Variants in DCLK1 observed in about 807,000 individuals in gnomAD.
The protein encoded by DCLK1 is doublecortin like kinase 1, also known as serine/threonine-protein kinase DCLK1.
Under a neutral mutation model 86.2 loss-of-function variants are expected in DCLK1, and 16 were observed. The observed-to-expected ratio is 0.19, with a 90% CI of 0.13 to 0.28. The LOEUF (loss-of-function observed/expected upper bound fraction) is 0.28, where lower values mean the gene tolerates loss of function less well. DCLK1 is among the 10% of genes least tolerant of loss of function. The pLI is 1.00. For synonymous variants in DCLK1, 369 were observed against 370.5 expected (o/e 1.00, Z 0.05); for missense variants, 590 against 940.2 (o/e 0.63, Z 4.87).
intron 4 of DCLK1, among the ~76,000 whole-genome samples, chr13:35,914,970 G>A (rs1875323884): frequency 6.6e-6 from 1 of 152,134 alleles, no homozygotes; most frequent in South Asian, 2.1e-4. Flanking sequence ...TTTAGGAATT[G>A]TTTTATGAGG....
intron 8 of DCLK1, among the ~76,000 whole-genome samples, chr13:35,835,317 C>G (rs541839440): frequency 1.3e-5 from 2 of 152,318 alleles, no homozygotes; most frequent in South Asian, 4.1e-4. Context: ...TTGCAGTATT[C>G]TGCCCACCAG....
chr13:35,796,229 G>A (rs748937326), intron 15 of DCLK1, among the ~76,000 whole-genome samples: 7 of 152,036 alleles, frequency 4.6e-5, no homozygotes, highest in Non-Finnish European at 1.0e-4. Flanking sequence ...GGCTACCTCG[G>A]GCAAAATGAT....
At chr13:36,078,616 C>T (rs541793684) in intron 3 of DCLK1, among the ~76,000 whole-genome samples, 125 of 152,230 alleles carry the variant, frequency 8.2e-4, no homozygotes, top group Non-Finnish European at 1.4e-3. Context: ...GAGCTATCTC[C>T]AAATGAAGAT....
intron 10 of DCLK1, among the ~76,000 whole-genome samples, chr13:35,826,909 G>T (rs1868519267): frequency 6.6e-6 from 1 of 152,112 alleles, no homozygotes; most frequent in African/African-American, 2.4e-5. Flanking sequence ...TACACGTTCA[G>T]TTTGATGAAT....
chr13:36,031,573 G>A (rs1365348668), intron 3 of DCLK1, among the ~76,000 whole-genome samples: 4 of 152,084 alleles, frequency 2.6e-5, no homozygotes, highest in South Asian at 4.2e-4. Context: ...CTGGTAATAC[G>A]TTTGACAATA....
At chr13:35,913,763 T>C (rs1875189718) in intron 4 of DCLK1, among the ~76,000 whole-genome samples, 1 of 152,092 alleles carries the variant, frequency 6.6e-6, no homozygotes, top group Non-Finnish European at 1.5e-5. Context: ...GTTTCAGAAA[T>C]GTTGAAAAGA....
chr13:35,981,279 A>G (rs937087932), intron 3 of DCLK1, among the ~76,000 whole-genome samples: 1 of 151,958 alleles, frequency 6.6e-6, no homozygotes, highest in African/African-American at 2.4e-5. Flanking sequence ...CTCAAAGTTC[A>G]TTCATTTTGT....
intron 3 of DCLK1, among the ~76,000 whole-genome samples, chr13:35,974,064 A>G (rs995717212): frequency 2.6e-5 from 4 of 152,226 alleles, no homozygotes; most frequent in Non-Finnish European, 5.9e-5. Context: ...ATAGACATAT[A>G]AAAATAGAAA....
At chr13:36,045,943 T>C (rs1182164376) in intron 3 of DCLK1, among the ~76,000 whole-genome samples, 1 of 152,184 alleles carries the variant, frequency 6.6e-6, no homozygotes, top group South Asian at 2.1e-4. Flanking sequence ...ACACTTTAAC[T>C]TTCTTAGTAC....
At chr13:36,079,168 T>C (rs906521168) in intron 3 of DCLK1, among the ~76,000 whole-genome samples, 2 of 152,136 alleles carry the variant, frequency 1.3e-5, no homozygotes, top group South Asian at 2.1e-4. Context: ...CAGTAGATCA[T>C]AGAAAGAGGA....
At chr13:36,066,387 G>T (rs1203417918) in intron 3 of DCLK1, among the ~76,000 whole-genome samples, 5 of 152,170 alleles carry the variant, frequency 3.3e-5, no homozygotes, top group Non-Finnish European at 7.4e-5. Flanking sequence ...GCTGTAAAAT[G>T]AGTCTAAATG....
chr13:35,948,378 T>G (rs1406963610), intron 3 of DCLK1, among the ~76,000 whole-genome samples: 1 of 152,184 alleles, frequency 6.6e-6, no homozygotes, highest in African/African-American at 2.4e-5. Context: ...ATAGATGTTG[T>G]AATAGCATTT....
intron 4 of DCLK1, among the ~76,000 whole-genome samples, chr13:35,897,120 G>A (rs1593711023): frequency 6.6e-6 from 1 of 152,318 alleles, no homozygotes; most frequent in Middle Eastern, 3.4e-3. Context: ...GAGGATTCTG[G>A]AGTGGCAGAT....
chr13:36,013,970 G>T lies in DCLK1; in HGVS notation c.724-66513C>A, dbSNP rs139836075. ...AGCCGGTCTGAAAAGCACAATATTCGCCAGGTGCGTCCGTCACCCCTTTCT... is the reference window on the plus strand; with the variant it reads ...AGCCGGTCTGAAAAGCACAATATTCTCCAGGTGCGTCCGTCACCCCTTTCT... On this transcript the variant is annotated intron_variant, in intron 3 of 16. Transcript: ENST00000360631. Among the ~76,000 whole-genome samples the T allele has an allele frequency of 2.6e-5, 4 of 151,896 alleles. No homozygotes were observed. In the East Asian group the frequency reaches 7.8e-4, roughly 29 times the overall value.
chr13:36,107,746 A>G (rs1047390367), intron 3 of DCLK1, among the ~76,000 whole-genome samples: 1 of 152,166 alleles, frequency 6.6e-6, no homozygotes, highest in Non-Finnish European at 1.5e-5. Flanking sequence ...AGCTCAAGAA[A>G]GCCAGATTTG....
chr13:35,909,512 G>A (rs893835035), intron 4 of DCLK1, among the ~76,000 whole-genome samples: 2 of 151,646 alleles, frequency 1.3e-5, no homozygotes, highest in Non-Finnish European at 2.9e-5. Context: ...TTTTGGGTGG[G>A]ATTTATGAGA....
chr13:35,947,863 C>G (rs189644368), intron 3 of DCLK1, among the ~76,000 whole-genome samples: 89 of 152,302 alleles, frequency 5.8e-4, no homozygotes, highest in Non-Finnish European at 1.1e-3. Flanking sequence ...CATATACACA[C>G]GATAATCACC....
chr13:36,108,265 T>C (rs149077123), intron 3 of DCLK1, among the ~76,000 whole-genome samples: 75 of 152,270 alleles, frequency 4.9e-4, no homozygotes, highest in African/African-American at 1.8e-3. Context: ...GTTGAAATCA[T>C]TAGAAAGGGT....
At chr13:35,824,342 AATT>A (rs1471477588) in intron 10 of DCLK1, among the ~76,000 whole-genome samples, 4 of 151,834 alleles carry the variant, frequency 2.6e-5, no homozygotes, top group Admixed American at 2.0e-4. Flanking sequence ...ATGCTTGGCT[AATT>A]ATTATTATTT....
Sources: allele counts gnomAD v4.1 joint callset (sites outside exome capture counted in the v4.1 genomes callset), GRCh38; gene constraint gnomAD v4.1.1; transcripts MANE v1.5; gene names NCBI Gene and HGNC (gene_info 2026-07-23, HGNC 2026-07-21).